FASTKD2: variants seen among roughly 807,000 people sequenced by gnomAD.
The protein encoded by FASTKD2 is FAST kinase domain-containing protein 2, mitochondrial.
A neutral mutation model predicts 63.6 loss-of-function variants in FASTKD2; 51 were observed. That is an observed-to-expected ratio of 0.80 (90% CI 0.64 to 1.01). FASTKD2 has a LOEUF of 1.01. Ranked by LOEUF, FASTKD2 falls within the 50% of genes least tolerant of loss-of-function variation. The probability of loss-of-function intolerance (pLI) is 0.00; values close to 1 mark genes in which losing one functional copy is unlikely to be tolerated. For synonymous variants in FASTKD2, 284 were observed against 293.4 expected (o/e 0.97, Z 0.33); for missense variants, 786 against 831.1 (o/e 0.95, Z 0.67).
intron 2 of FASTKD2, among the ~76,000 whole-genome samples, chr2:206,769,077 C>G (rs907747841): frequency 3.9e-5 from 6 of 152,132 alleles, no homozygotes; most frequent in African/African-American, 1.4e-4. Context: ...GTCAAAACAT[C>G]TGTATGGATG....
intron 6 of FASTKD2, among the ~76,000 whole-genome samples, chr2:206,773,937 G>A (rs1440322940): frequency 6.6e-6 from 1 of 152,132 alleles, no homozygotes; most frequent in Non-Finnish European, 1.5e-5. Context: ...TGAAAAGCAT[G>A]TAGGAAGAGA....
Position 206,772,199 on chromosome 2 carries a change from C to A in FASTKD2, c.1133C>A (p.Pro378His). The change falls in exon 6 of 12, where the codon CCT becomes CAT. Residue 378 changes from proline to histidine, a missense_variant. By Grantham distance (77) the Pro-to-His change is moderately conservative (BLOSUM62 -2). Coordinates refer to ENST00000402774, the MANE Select transcript of FASTKD2 (RefSeq NM_001136193.2). ...KVVLDNIHGC[P>H]LRIMINILQS... ...CTTCAAGATAATATCCATGGGTGTC[C>A]TTTAAGAATAATGATCAACATATTG... The A allele has an allele frequency of 6.2e-7, 1 of 1,612,952 alleles. No individual in the cohort carries two copies. The highest frequency in any genetic ancestry group is 1.1e-5 in the South Asian group (1 of 91,050).
intron 3 of FASTKD2, among the ~76,000 whole-genome samples, chr2:206,770,636 A>C (rs1229016442): frequency 1.3e-5 from 2 of 151,242 alleles, no homozygotes. Context: ...AGGCTGAGGC[A>C]GGAGAATGGC....
intron 7 of FASTKD2, among the ~76,000 whole-genome samples, chr2:206,785,773 A>T (rs928649340): frequency 1.3e-5 from 2 of 152,120 alleles, no homozygotes; most frequent in African/African-American, 4.8e-5. Flanking sequence ...GCCTTATCAC[A>T]GCCCTTCATC....
intron 8 of FASTKD2, among the ~76,000 whole-genome samples, chr2:206,787,174 A>C (rs917722569): frequency 6.6e-6 from 1 of 152,164 alleles, no homozygotes; most frequent in South Asian, 2.1e-4. Flanking sequence ...CTTCTATACA[A>C]AGGCTAACTG....
In FASTKD2 at chr2:206,780,151, CACT is replaced by C. The variant is rs149108139; in HGVS notation, c.1427+5756_1427+5758del. Among the ~76,000 whole-genome samples the C allele has an allele frequency of 3.9e-5, 6 of 152,204 alleles. No homozygotes were observed. In the East Asian group the frequency reaches 9.6e-4, roughly 24 times the overall value. On this transcript the variant is annotated intron_variant, in intron 7 of 11. Coordinates refer to ENST00000402774, the MANE Select transcript of FASTKD2 (RefSeq NM_001136193.2). Reference sequence around the variant, plus strand: ...CATTTATACTAGAACTAAAGCACACCACTATTACAGTATTACCATATCCTATAT... The same window carrying C: ...CATTTATACTAGAACTAAAGCACACCATTACAGTATTACCATATCCTATAT...
Position 206,766,815 on chromosome 2 carries a change from T to C in FASTKD2, c.122T>C (p.Met41Thr). The C allele has an allele frequency of 6.2e-7, 1 of 1,612,718 alleles. No individual in the cohort carries two copies. Residue 41 changes from methionine (M) to threonine (T), a missense_variant, in exon 2 of 12, where the codon ATG becomes ACG. By Grantham distance (81) the Met-to-Thr change is moderately conservative. Transcript: ENST00000402774. Reference protein sequence around the residue: ...FSTLVSTSRTMRLCCLGLCKP... With the variant: ...FSTLVSTSRTTRLCCLGLCKP... ...ACATTAGTTTCAACAAGCAGAACTA[T>C]GAGGCTATGTTGTTTGGGACTTTGC...
In FASTKD2 at chr2:206,766,958, G is replaced by T; in HGVS notation, c.265G>T (p.Gly89Cys). 1.2e-6 allele frequency: 2 copies of T among 1,607,246 alleles called. No individual in the cohort carries two copies. Among genetic ancestry groups the T allele is most frequent in the South Asian group, 2.2e-5 (2 of 90,432 alleles). The change falls in exon 2 of 12, where the codon GGC becomes TGC. Residue 89 changes from glycine (G) to cysteine (C), a missense_variant. By Grantham distance (159) the Gly-to-Cys change is radical. Coordinates refer to ENST00000402774, the MANE Select transcript of FASTKD2 (RefSeq NM_001136193.2). ...QDAFIFKSDVGFQTKGISTLT... is the reference protein window; with the variant it reads ...QDAFIFKSDVCFQTKGISTLT... ...TGCATTCATTTTTAAATCAGATGTT[G>T]GCTTTCAAACAAAGGGCATAAGCAC...
rs34709212 is a variant in FASTKD2 at position 206,771,993 on chromosome 2, G to A, written c.1090G>A (p.Asp364Asn). The A allele has an allele frequency of 1.5e-3, 2,407 of 1,613,696 alleles. 35 individuals carry two copies. In the African/African-American group the frequency reaches 0.027, roughly 18 times the overall value. ...AMNHRSLILL[D>N]ECSKVVLDNI... is the part of the protein sequence containing the mutation. ...GAATCACCGATCTCTTATACTCCTGGATGAATGCAGTAAGGTGGTCCTAGG... is the reference window on the plus strand; with the variant it reads ...GAATCACCGATCTCTTATACTCCTGAATGAATGCAGTAAGGTGGTCCTAGG... The change falls in exon 5 of 12, where the codon GAT becomes AAT. Residue 364 changes from aspartate (D) to asparagine (N), a missense_variant. Transcript: ENST00000402774.
At chr2:206,770,692 T>G (rs1689652934) in intron 3 of FASTKD2, among the ~76,000 whole-genome samples, 2 of 143,798 alleles carry the variant, frequency 1.4e-5, no homozygotes. Flanking sequence ...ATCGCGCCAC[T>G]GCACTCCAGC....
intron 7 of FASTKD2, among the ~76,000 whole-genome samples, chr2:206,782,987 A>T (rs766607352): frequency 1.9e-4 from 29 of 152,140 alleles, no homozygotes; most frequent in Admixed American, 7.2e-4. Flanking sequence ...TCTGTTTGCC[A>T]TCAAATGACT....
intron 8 of FASTKD2, 26 bp downstream of exon 8, chr2:206,786,925 ACCAATTGTGAC>A: frequency 7.7e-7 from 1 of 1,306,050 alleles, no homozygotes; most frequent in Non-Finnish European, 1.1e-6. Context: ...AGAATTGGTC[ACCAATTGTGAC>A]CAATTCTGCA....
rs745387138 is a variant in FASTKD2 at position 206,794,176 on chromosome 2, C to T, written c.*2374C>T. Among the ~76,000 whole-genome samples the T allele has an allele frequency of 2.0e-4, 31 of 152,262 alleles. No individual in the cohort carries two copies. The highest frequency in any genetic ancestry group is 3.4e-4 in the Non-Finnish European group (23 of 68,008). On this transcript the variant is annotated 3_prime_UTR_variant, in exon 12 of 12. Transcript: ENST00000402774. ...CAATCAAGATAATGAATATATCTAT[C>T]ACCTCTAAAAGGTTCCTGTCTTTGC...
At chr2:206,782,296 C>T (rs1353577006) in intron 7 of FASTKD2, among the ~76,000 whole-genome samples, 1 of 152,188 alleles carries the variant, frequency 6.6e-6, no homozygotes, top group Non-Finnish European at 1.5e-5. Context: ...TGTTTCAGTG[C>T]AACTCTTCTT....
chr2:206,779,653 C>G (rs1162623155), intron 7 of FASTKD2, among the ~76,000 whole-genome samples: 2 of 152,170 alleles, frequency 1.3e-5, no homozygotes, highest in African/African-American at 2.4e-5. Context: ...TCCAACAGGT[C>G]TCTCCCTTAA....
In FASTKD2 at chr2:206,794,687, C is replaced by T. The variant is rs1377432705; in HGVS notation, c.*2885C>T. ...ATTGAAAATTTCATATATACATAGC[C>T]TAACAACTCTTCTTGTCATTGACAA... On this transcript the variant is annotated 3_prime_UTR_variant, in exon 12 of 12. Transcript: ENST00000402774. Among the ~76,000 whole-genome samples the T allele has an allele frequency of 6.6e-6, 1 of 152,168 alleles. No homozygotes were observed. The highest frequency in any genetic ancestry group is 2.4e-5 in the African/African-American group (1 of 41,420).
intron 2 of FASTKD2, among the ~76,000 whole-genome samples, chr2:206,767,761 G>A (rs1039283791): frequency 6.6e-6 from 1 of 152,196 alleles, no homozygotes; most frequent in Non-Finnish European, 1.5e-5. Context: ...GAAAGCCTGG[G>A]TAGTTGAAGA....
At position 206,793,073 on chromosome 2, in the gene FASTKD2, T is replaced by C. The variant is rs1690332693; in HGVS notation, c.*1271T>C. On this transcript the variant is annotated 3_prime_UTR_variant, in exon 12 of 12. Transcript: ENST00000402774. ...CCCATCTCTACTAAAATACAAAAAA[T>C]TAGCCGGGCATGGTGGTGCATGCCT... 6.6e-6 allele frequency among the ~76,000 whole-genome samples: 1 copy of C among 151,538 alleles called. No homozygotes were observed. The highest frequency in any genetic ancestry group is 1.5e-5 in the Non-Finnish European group (1 of 67,932).
In FASTKD2 at chr2:206,786,787, T is replaced by C; in HGVS notation, c.1482T>C (p.Ser494=). 6.2e-7 allele frequency: 1 copy of C among 1,613,840 alleles called. No individual in the cohort carries two copies. The highest frequency in any genetic ancestry group is 8.5e-7 in the Non-Finnish European group (1 of 1,179,700). Residue 494 remains serine (S), a synonymous_variant, in exon 8 of 12, where the codon TCT becomes TCC. Coordinates refer to ENST00000402774, the MANE Select transcript of FASTKD2 (RefSeq NM_001136193.2). ...TGACTGGTTATCTTCACACTATTTC[T>C]TCTGAAAACTTATTGGATGCAGTAT... ...SALTGYLHTI[S]SENLLDAVYS... is the part of the protein sequence containing the mutation.
Sources: allele counts gnomAD v4.1 joint callset (sites outside exome capture counted in the v4.1 genomes callset), GRCh38; gene constraint gnomAD v4.1.1; transcripts MANE v1.5; gene names NCBI Gene and HGNC (gene_info 2026-07-23, HGNC 2026-07-21).